Variants in DNAH14 observed in about 807,000 individuals in gnomAD.
DNAH14 encodes the protein axonemal beta dynein heavy chain 14.
In DNAH14, 478 loss-of-function variants were observed where a neutral mutation model predicts 520.9. The observed-to-expected ratio is 0.92, with a 90% CI of 0.85 to 0.99. The LOEUF (loss-of-function observed/expected upper bound fraction) is 0.99, where lower values mean the gene tolerates loss of function less well. Ranked by LOEUF, DNAH14 falls within the 50% of genes least tolerant of loss-of-function variation. The pLI, the probability that DNAH14 is intolerant of heterozygous loss-of-function variation, is 0.00. For synonymous variants in DNAH14, 1,581 were observed against 1,757.2 expected, an observed-to-expected ratio of 0.90 and a Z score of 2.51; for missense variants, 4,831 against 5,234.5, an observed-to-expected ratio of 0.92 and a Z score of 2.38.
chr1:225,203,174 T>C (rs934154453), intron 38 of DNAH14, among the ~76,000 whole-genome samples: 3 of 152,212 alleles, frequency 2.0e-5, no homozygotes, highest in African/African-American at 7.2e-5. Context: ...AGCCTCCACA[T>C]GCTTCTCTGT....
chr1:225,288,976 A>C (rs1221537931), intron 54 of DNAH14, among the ~76,000 whole-genome samples: 1 of 152,186 alleles, frequency 6.6e-6, no homozygotes, highest in Admixed American at 6.5e-5. Context: ...ACACAAGGGA[A>C]AATAAAACAA....
chr1:225,217,051 T>C (rs2089451759), intron 41 of DNAH14, among the ~76,000 whole-genome samples: 1 of 152,212 alleles, frequency 6.6e-6, no homozygotes, highest in African/African-American at 2.4e-5. Flanking sequence ...ACCTTTGGTC[T>C]TTGATGATGG....
intron 55 of DNAH14, among the ~76,000 whole-genome samples, chr1:225,293,646 C>T (rs897620389): frequency 1.3e-5 from 2 of 151,972 alleles, no homozygotes; most frequent in Admixed American, 6.6e-5. Context: ...GGGAACCATA[C>T]ACACTGGGGC....
rs114800663 is a variant in DNAH14 at position 225,111,471 on chromosome 1, A to G, written c.3868-6213A>G. Among the ~76,000 whole-genome samples the G allele has an allele frequency of 9.5e-3, 1,448 of 151,856 alleles. 20 individuals are homozygous for G. Among genetic ancestry groups the G allele is most frequent in the African/African-American group, 0.033 (1,352 of 41,436 alleles). On this transcript the variant is annotated intron_variant, in intron 23 of 85. Coordinates refer to ENST00000682510, the MANE Select transcript of DNAH14 (RefSeq NM_001367479.1). ...CTATTCTTGCTCTTTTTTGGTTTCC[A>G]TTTGCATGGAATATCTTTTTCCACC... is the stretch of plus-strand genomic sequence containing the variant.
chr1:225,207,242 A>G, intron 41 of DNAH14, 22 bp downstream of exon 41: 2 of 1,485,258 alleles, frequency 1.3e-6, no homozygotes, highest in African/African-American at 1.4e-5. Flanking sequence ...TCTCTAAGTC[A>G]TATCAATGAT....
Position 225,042,983 on chromosome 1 carries a change from A to AGT in DNAH14, c.1643_1644dup (p.Met549Ter). The AGT allele has an allele frequency of 1.9e-6, 3 of 1,551,980 alleles. No individual in the cohort carries two copies. Among genetic ancestry groups the AGT allele is most frequent in the Non-Finnish European group, 2.6e-6 (3 of 1,147,062 alleles). ...CATGAGTCTGACCAGTGCCCTGAAG[A>AGT]GTGTGTGATGTTTGAAGATGAAATG... On this transcript the variant is annotated frameshift_variant, in exon 13 of 86. Coordinates refer to ENST00000682510, the MANE Select transcript of DNAH14 (RefSeq NM_001367479.1). LOFTEE classifies it high-confidence loss of function.
chr1:225,150,630 G>A (rs934492818), intron 31 of DNAH14, among the ~76,000 whole-genome samples: 15 of 152,126 alleles, frequency 9.9e-5, no homozygotes, highest in African/African-American at 3.6e-4. Flanking sequence ...CCTTGGGAGG[G>A]TGTGTGTGTT....
chr1:224,997,714 A>G (rs2147747414), intron 8 of DNAH14, among the ~76,000 whole-genome samples: 1 of 152,108 alleles, frequency 6.6e-6, no homozygotes, highest in Non-Finnish European at 1.5e-5. Context: ...TTTTTAAATT[A>G]TGAATTCAAT....
chr1:225,240,472 G>A (rs978625011), intron 42 of DNAH14, 121 bp from the exon 43 acceptor site: 3 of 598,950 alleles, frequency 5.0e-6, no homozygotes, highest in Admixed American at 6.6e-5. Context: ...TTTTATGTTA[G>A]TACCTAACTG....
rs997111334 is a variant in DNAH14, at chr1:225,324,711, T to G, written c.9628-26T>G. 8.5e-6 allele frequency: 13 copies of G among 1,537,564 alleles called. No individual in the cohort carries two copies. In the Admixed American group the frequency reaches 2.4e-4, roughly 29 times the overall value. ...ACAGTAAACCCGACGTTTTTGACACTTAAATGTTCTGACATTCTCTTTAAG... is the reference window on the plus strand; with the variant it reads ...ACAGTAAACCCGACGTTTTTGACACGTAAATGTTCTGACATTCTCTTTAAG... On this transcript the variant is annotated intron_variant, in intron 63 of 85. Transcript: ENST00000682510.
chr1:225,023,733 T>A lies in DNAH14; in HGVS notation c.1226T>A (p.Met409Lys). ...RLLETFFKFV[M>K]LVDYIFQELI... ...TTAGAAACATTTTTCAAGTTTGTAA[T>A]GCTGGTTGACTACATATTTCAGGAA... The change falls in exon 11 of 86, where the codon ATG (methionine) becomes AAG (lysine). Residue 409 changes from methionine to lysine, a missense_variant. By Grantham distance (95) the Met-to-Lys change is moderately conservative. Transcript: ENST00000682510. 2.6e-6 allele frequency: 4 copies of A among 1,550,912 alleles called. No individual in the cohort carries two copies. Among genetic ancestry groups the A allele is most frequent in the Non-Finnish European group, 3.5e-6 (4 of 1,146,552 alleles).
chr1:225,277,340 G>T, intron 53 of DNAH14, 70 bp from the exon 54 acceptor site: 1 of 421,332 alleles, frequency 2.4e-6, no homozygotes, highest in African/African-American at 2.1e-5. Flanking sequence ...TAAATTGTAT[G>T]TAAAACCACA....
chr1:225,177,374 T>C (rs1279259675), intron 36 of DNAH14, among the ~76,000 whole-genome samples: 1 of 152,124 alleles, frequency 6.6e-6, no homozygotes, highest in African/African-American at 2.4e-5. Flanking sequence ...AGCCTGACAA[T>C]GCGATAGAAA....
chr1:225,062,043 A>G (rs1406058491), intron 17 of DNAH14, among the ~76,000 whole-genome samples: 1 of 152,160 alleles, frequency 6.6e-6, no homozygotes, highest in Non-Finnish European at 1.5e-5. Flanking sequence ...ATGCCTCTGT[A>G]ATGCCAGCAA....
chr1:225,002,303 C>G (rs2063826866), intron 8 of DNAH14, among the ~76,000 whole-genome samples: 1 of 151,948 alleles, frequency 6.6e-6, no homozygotes, highest in Non-Finnish European at 1.5e-5. Context: ...TAGAAAAAGA[C>G]AGATAAAAGA....
Position 225,043,939 on chromosome 1 carries a change from C to G in DNAH14, c.1868C>G (p.Ser623Ter). The G allele has an allele frequency of 2.6e-6, 4 of 1,524,044 alleles. No homozygotes were observed. In the South Asian group the frequency reaches 5.0e-5, roughly 19 times the overall value. The allele number at this position is 1,524,044 out of a possible 1,614,324, so 94.4% of individuals were successfully genotyped here. Reference protein sequence around the residue: ...LFIDPNRLEFSVKIQNMLTNM... With the variant: ...LFIDPNRLEF Reference sequence around the variant, plus strand: ...ATAGATCCCAACAGATTGGAGTTTTCAGTAAAAATTCAAAATATGTTGACT... The same window carrying G: ...ATAGATCCCAACAGATTGGAGTTTTGAGTAAAAATTCAAAATATGTTGACT... Residue 623 changes from serine to a stop codon, truncating the protein, a stop_gained, in exon 15 of 86, where the codon TCA becomes TGA. Coordinates refer to ENST00000682510, the MANE Select transcript of DNAH14 (RefSeq NM_001367479.1). LOFTEE classifies it high-confidence loss of function.
chr1:225,290,172 AGAAAATATTT>A, intron 55 of DNAH14, 90 bp downstream of exon 55: 1 of 945,064 alleles, frequency 1.1e-6, no homozygotes, highest in Non-Finnish European at 1.5e-6. Flanking sequence ...AAAGAAAACA[AGAAAATATTT>A]ATCAATGGTT....
At chr1:225,270,681 A>G (rs990227404) in intron 49 of DNAH14, 54 bp from the exon 50 acceptor site, 8 of 1,498,470 alleles carry the variant, frequency 5.3e-6, no homozygotes, top group Admixed American at 4.1e-5. Context: ...GTAGGTACAT[A>G]CTTCACTTCC....
At chr1:225,125,768 C>T (rs2077665863) in intron 27 of DNAH14, among the ~76,000 whole-genome samples, 1 of 152,138 alleles carries the variant, frequency 6.6e-6, no homozygotes, top group South Asian at 2.1e-4. Flanking sequence ...CCTTTGCATC[C>T]ACAACTTGAC....
Sources: allele counts gnomAD v4.1 joint callset (sites outside exome capture counted in the v4.1 genomes callset), GRCh38; gene constraint gnomAD v4.1.1; transcripts MANE v1.5; gene names NCBI Gene and HGNC (gene_info 2026-07-23, HGNC 2026-07-21).